Variants in PBX1 observed in about 807,000 individuals in gnomAD.
PBX1 encodes the protein pre-B-cell leukemia transcription factor 1.
Under a neutral mutation model 53.4 loss-of-function variants are expected in PBX1, and 6 were observed. That is an observed-to-expected ratio of 0.11 (90% CI 0.06 to 0.22). PBX1 has a LOEUF of 0.22. Among genes scored for constraint, PBX1 ranks in the 10% least tolerant of loss-of-function variants. The probability of loss-of-function intolerance (pLI) is 1.00; values close to 1 mark genes in which losing one functional copy is unlikely to be tolerated. For missense variants in PBX1, 251 were observed against 551.4 expected (o/e 0.46, Z 5.46); for synonymous variants, 204 against 212.3 (o/e 0.96, Z 0.34).
chr1:164,576,951 G>A (rs1215095923), intron 2 of PBX1: 4 of 152,270 alleles, frequency 2.6e-5, no homozygotes, highest in African/African-American at 9.6e-5. Flanking sequence ...GACCTCGGTG[G>A]TGGTGGTTTT....
chr1:164,636,394 A>T (rs1658782217), intron 2 of PBX1, among the ~76,000 whole-genome samples: 1 of 152,170 alleles, frequency 6.6e-6, no homozygotes, highest in Non-Finnish European at 1.5e-5. Flanking sequence ...TGTTTGTTGC[A>T]TGTGGGAAGT....
chr1:164,678,369 C>T lies in PBX1; in HGVS notation c.266-114125C>T, dbSNP rs756268496. ...CCAGCATAGAAGGCATAATCCTCCT[C>T]GGGTCTGTGTCTCTATAATTTATGA... On this transcript the variant is annotated intron_variant, in intron 2 of 8. Transcript: ENST00000420696. Among the ~76,000 whole-genome samples the T allele has an allele frequency of 1.9e-4, 29 of 152,278 alleles. No homozygotes were observed. In the South Asian group the frequency reaches 3.9e-3, roughly 21 times the overall value.
intron 2 of PBX1, among the ~76,000 whole-genome samples, chr1:164,746,279 A>G (rs1356772638): frequency 6.6e-6 from 1 of 152,218 alleles, no homozygotes; most frequent in African/African-American, 2.4e-5. Context: ...GCTTAGCATG[A>G]AATTCATAGG....
At chr1:164,717,563 G>A (rs752043480) in intron 2 of PBX1, among the ~76,000 whole-genome samples, 6 of 152,162 alleles carry the variant, frequency 3.9e-5, no homozygotes, top group Admixed American at 6.5e-5. Context: ...TGAGATGGTC[G>A]GAGTATGCAT....
chr1:164,777,708 C>A (rs935048981), intron 2 of PBX1, among the ~76,000 whole-genome samples: 5 of 152,216 alleles, frequency 3.3e-5, no homozygotes, highest in African/African-American at 1.2e-4. Flanking sequence ...GATCTCCAAC[C>A]TGTTGTTGCC....
chr1:164,780,107 G>A (rs565345131), intron 2 of PBX1, among the ~76,000 whole-genome samples: 13 of 152,206 alleles, frequency 8.5e-5, no homozygotes, highest in South Asian at 2.1e-4. Flanking sequence ...GGGCGCCTCC[G>A]ATGTGAGAGT....
chr1:164,774,425 C>T (rs1041456536), intron 2 of PBX1: 1 of 152,178 alleles, frequency 6.6e-6, no homozygotes, highest in Non-Finnish European at 1.5e-5. Flanking sequence ...TTAAAATTGT[C>T]TACCTATTTC....
chr1:164,570,666 A>ATATG (rs1332026351), intron 2 of PBX1, among the ~76,000 whole-genome samples: 6 of 152,168 alleles, frequency 3.9e-5, no homozygotes, highest in Non-Finnish European at 8.8e-5. Flanking sequence ...TGCAATAAAC[A>ATATG]TATGTGTGCA....
At chr1:164,840,146 G>A (rs1044918145) in intron 8 of PBX1, among the ~76,000 whole-genome samples, 1 of 152,044 alleles carries the variant, frequency 6.6e-6, no homozygotes, top group African/African-American at 2.4e-5. Context: ...TGGTAGAGAT[G>A]GTCTCAACCA....
intron 6 of PBX1, chr1:164,819,448 A>C (rs1571467220): frequency 6.6e-6 from 1 of 152,130 alleles, no homozygotes; most frequent in East Asian, 1.9e-4. Context: ...ACATATTCTT[A>C]CAGTCCTCAA....
intron 2 of PBX1, among the ~76,000 whole-genome samples, chr1:164,727,936 G>T (rs962193516): frequency 1.3e-5 from 2 of 152,152 alleles, no homozygotes; most frequent in African/African-American, 2.4e-5. Flanking sequence ...TGCTCCCTTC[G>T]TCATCTGCAG....
intron 2 of PBX1, among the ~76,000 whole-genome samples, chr1:164,715,711 G>A (rs923055782): frequency 9.9e-5 from 15 of 152,182 alleles, no homozygotes; most frequent in African/African-American, 3.1e-4. Flanking sequence ...AACTGGACTG[G>A]ATGACTGTTC....
chr1:164,627,745 G>A (rs1217129868), intron 2 of PBX1, among the ~76,000 whole-genome samples: 2 of 152,158 alleles, frequency 1.3e-5, no homozygotes, highest in Non-Finnish European at 2.9e-5. Context: ...ATTCATGGCT[G>A]TGCTTCAGAA....
intron 2 of PBX1, among the ~76,000 whole-genome samples, chr1:164,661,429 T>G (rs1267738966): frequency 6.6e-6 from 1 of 150,576 alleles, no homozygotes; most frequent in Non-Finnish European, 1.5e-5. Context: ...AGCCAGTTTT[T>G]TTTTTTTTTT....
chr1:164,600,057 C>T (rs1656051205), intron 2 of PBX1, among the ~76,000 whole-genome samples: 1 of 152,096 alleles, frequency 6.6e-6, no homozygotes, highest in Non-Finnish European at 1.5e-5. Context: ...ATGTTGAGTA[C>T]TTTAAATATG....
intron 2 of PBX1, among the ~76,000 whole-genome samples, chr1:164,743,013 T>C (rs370206391): frequency 3.0e-4 from 46 of 152,170 alleles, no homozygotes; most frequent in Middle Eastern, 6.8e-3. Context: ...TGAAATGGGG[T>C]CAGTTCCTGA....
At chr1:164,782,377 AT>A (rs1329451445) in intron 2 of PBX1, among the ~76,000 whole-genome samples, 2 of 152,192 alleles carry the variant, frequency 1.3e-5, no homozygotes, top group East Asian at 3.9e-4. Flanking sequence ...AGAGGTTTGC[AT>A]TTCAATCTTA....
At chr1:164,810,277 G>A (rs1044034628) in intron 5 of PBX1, among the ~76,000 whole-genome samples, 5 of 152,094 alleles carry the variant, frequency 3.3e-5, no homozygotes, top group East Asian at 3.9e-4. Context: ...TGCCTAACGC[G>A]TATTAGGCCC....
intron 2 of PBX1, among the ~76,000 whole-genome samples, chr1:164,883,748 T>C (rs918840377): frequency 1.5e-4 from 23 of 152,338 alleles, no homozygotes; most frequent in South Asian, 4.1e-4. Context: ...ATAGGAGTAA[T>C]GCTTCATGTC....
Sources: gnomAD v4.1 joint callset for allele counts (sites outside exome capture counted in the v4.1 genomes callset) on GRCh38, gnomAD v4.1.1 for gene constraint, MANE v1.5 for transcripts, NCBI Gene and HGNC (gene_info 2026-07-23, HGNC 2026-07-21) for gene names.